Variants in ZNF469 observed in about 807,000 individuals in gnomAD.
ZNF469 encodes zinc finger protein 469.
In ZNF469, 1 loss-of-function variant was observed where a neutral mutation model predicts 1.0. The observed-to-expected ratio is 1.00, with a 90% CI of 0.35 to 4.73. The LOEUF is 4.73. Ranked by LOEUF, ZNF469 falls within the 30% of genes most tolerant of loss-of-function variation. ZNF469 has a pLI of 0.16. For synonymous variants in ZNF469, 2,703 were observed against 2,363.4 expected (o/e 1.14, Z -4.17); for missense variants, 6,100 against 5,356.3 (o/e 1.14, Z -4.33).
At chr16:88,273,299 C>G in the ZNF469 span, among the ~76,000 whole-genome samples, 1 of 151,738 alleles carries the variant, frequency 6.6e-6, no homozygotes, top group Non-Finnish European at 1.5e-5. Flanking sequence ...CTGTCCCTCA[C>G]AACCACATTA....
chr16:88,104,188 G>A, the ZNF469 span, among the ~76,000 whole-genome samples: 28 of 151,036 alleles, frequency 1.9e-4, 1 homozygote, highest in Admixed American at 5.3e-4. Flanking sequence ...GGAAGCTTCC[G>A]GGCCTTGCCT....
At chr16:88,179,414 C>T in the ZNF469 span, among the ~76,000 whole-genome samples, 78 of 152,224 alleles carry the variant, frequency 5.1e-4, no homozygotes, top group Non-Finnish European at 9.0e-4. Flanking sequence ...CACCCTCCAC[C>T]CTAAGCAGGA....
chr16:88,166,971 C>T, the ZNF469 span, among the ~76,000 whole-genome samples: 1 of 151,448 alleles, frequency 6.6e-6, no homozygotes, highest in South Asian at 2.1e-4. This position sits in a 1 kb window ranked among gnomAD's most constrained non-coding sequence, Gnocchi z 4.5. Context: ...GTGCAGGTGC[C>T]GGCAGGCAGG....
the ZNF469 span, among the ~76,000 whole-genome samples, chr16:88,351,971 G>A: frequency 6.6e-6 from 1 of 152,250 alleles, no homozygotes; most frequent in Non-Finnish European, 1.5e-5. Flanking sequence ...TCCGCCCCGA[G>A]GAGAAATATG....
chr16:88,401,931 G>C (rs796810358), intron 1 of ZNF469, among the ~76,000 whole-genome samples: 26 of 53,542 alleles, frequency 4.9e-4, no homozygotes, highest in African/African-American at 3.3e-3. Context: ...TGGATGGATG[G>C]ATAGATACGT....
chr16:88,220,485 G>A, the ZNF469 span, among the ~76,000 whole-genome samples: 3 of 152,106 alleles, frequency 2.0e-5, no homozygotes, highest in African/African-American at 2.4e-5. Context: ...TGGCAGCCAG[G>A]TGACAGAATG....
the ZNF469 span, among the ~76,000 whole-genome samples, chr16:88,170,872 T>C: frequency 1 from 151,498 of 152,194 alleles, 75,407 homozygotes; most frequent in East Asian, 1. This position sits in a 1 kb window ranked among gnomAD's most constrained non-coding sequence, Gnocchi z 4.2. Context: ...TGACTTTCCC[T>C]CCAACCGCGA....
chr16:88,258,523 T>A, the ZNF469 span, among the ~76,000 whole-genome samples: 3 of 151,074 alleles, frequency 2.0e-5, no homozygotes, highest in African/African-American at 7.3e-5. Context: ...GTGCCCAAGT[T>A]TATTGAGGGT....
the ZNF469 span, among the ~76,000 whole-genome samples, chr16:88,363,544 G>C: frequency 6.6e-6 from 1 of 152,186 alleles, no homozygotes; most frequent in African/African-American, 2.4e-5. Flanking sequence ...TCCTGGCAAA[G>C]TTTAAATACA....
At chr16:88,388,128 G>A (rs1311705583) in intron 1 of ZNF469, among the ~76,000 whole-genome samples, 2 of 152,258 alleles carry the variant, frequency 1.3e-5, no homozygotes, top group Non-Finnish European at 1.5e-5. Flanking sequence ...GCGCGAGGGT[G>A]TGGATAGGCA....
the ZNF469 span, among the ~76,000 whole-genome samples, chr16:88,361,498 T>C: frequency 2.0e-3 from 299 of 152,370 alleles, 1 homozygote; most frequent in African/African-American, 7.0e-3. Context: ...CACCTTTCCA[T>C]GTGCTTATTG....
the ZNF469 span, among the ~76,000 whole-genome samples, chr16:88,212,101 C>T: frequency 6.6e-6 from 1 of 152,120 alleles, no homozygotes; most frequent in Non-Finnish European, 1.5e-5. Context: ...ATATTTTGTC[C>T]TCTTAAAGTT....
the ZNF469 span, among the ~76,000 whole-genome samples, chr16:88,258,426 C>T: frequency 2.1e-5 from 3 of 139,558 alleles, no homozygotes; most frequent in East Asian, 2.5e-4. Context: ...CCCCACCCCC[C>T]CAGCTTACCC....
the ZNF469 span, among the ~76,000 whole-genome samples, chr16:88,210,874 C>A: frequency 6.6e-6 from 1 of 152,246 alleles, no homozygotes; most frequent in East Asian, 1.9e-4. Flanking sequence ...CACCCCCCAC[C>A]AGCCCCCACT....
intron 1 of ZNF469, among the ~76,000 whole-genome samples, chr16:88,406,797 A>T (rs1280432002): frequency 6.6e-6 from 1 of 152,054 alleles, no homozygotes; most frequent in African/African-American, 2.4e-5. Context: ...TTGTGCCTCG[A>T]GTACTGTTAG....
rs1286690721 is a variant in ZNF469 at position 88,436,892 on chromosome 16, C to T, written c.9422C>T (p.Pro3141Leu). Residue 3141 changes from proline to leucine, a missense_variant, in exon 3 of 3, where the codon CCG (proline) becomes CTG (leucine). By Grantham distance (98) the Pro-to-Leu change is moderately conservative. Coordinates refer to ENST00000565624, the MANE Select transcript of ZNF469 (RefSeq NM_001367624.2). ...CACAAGCTGGCCCACACGCCCGCGC[C>T]GCCGCCCACCTGCTACATGTGCGTG... ...DLHKLAHTPA[P>L]PPTCYMCVER... 19 of 1,503,390 alleles carry T rather than the reference C, an allele frequency of 1.3e-5. No homozygotes were observed. The highest frequency in any genetic ancestry group is 2.2e-5 in the Admixed American group (1 of 46,030). The allele number at this position is 1,503,390 out of a possible 1,614,324, so 93.1% of individuals were successfully genotyped here. A position where few individuals can be genotyped will look rare whatever the true frequency, so the allele number is the denominator to read the frequency against.
At chr16:88,328,740 G>A in the ZNF469 span, among the ~76,000 whole-genome samples, 8 of 152,208 alleles carry the variant, frequency 5.3e-5, no homozygotes, top group African/African-American at 1.9e-4. Flanking sequence ...ATGGGAGAGG[G>A]TGCGGTGTGA....
the ZNF469 span, among the ~76,000 whole-genome samples, chr16:88,277,979 A>G: frequency 7.7e-5 from 2 of 26,006 alleles, no homozygotes. Flanking sequence ...CCACCCTGAC[A>G]CTCGGTCAGT....
At chr16:88,320,845 C>T in the ZNF469 span, among the ~76,000 whole-genome samples, 2 of 152,194 alleles carry the variant, frequency 1.3e-5, no homozygotes, top group African/African-American at 4.8e-5. Context: ...AATGCCGAAC[C>T]CACCCAGCAC....
Sources: allele counts gnomAD v4.1 joint callset (sites outside exome capture counted in the v4.1 genomes callset), GRCh38; gene constraint gnomAD v4.1.1; non-coding constraint Gnocchi (gnomAD v3.1); transcripts MANE v1.5; gene names NCBI Gene and HGNC (gene_info 2026-07-23, HGNC 2026-07-21).